The following MEGF11 variants were observed in gnomAD, a reference collection of about 807,000 sequenced individuals.
The protein encoded by MEGF11 is multiple epidermal growth factor-like domains protein 11.
A neutral mutation model predicts 146.6 loss-of-function variants in MEGF11; 126 were observed. The observed-to-expected ratio is 0.86, with a 90% CI of 0.74 to 1.00. The LOEUF is 1.00. MEGF11 is among the 50% of genes least tolerant of loss of function. MEGF11 has a pLI of 0.00. For synonymous variants in MEGF11, 532 were observed against 583.4 expected, an observed-to-expected ratio of 0.91 and a Z score of 1.27; for missense variants, 1,509 against 1,521.2, an observed-to-expected ratio of 0.99 and a Z score of 0.13.
At position 65,972,977 on chromosome 15, in the gene MEGF11, C is replaced by T. The variant is rs564889588; in HGVS notation, c.763-2288G>A. Among the ~76,000 whole-genome samples the T allele has an allele frequency of 3.3e-5, 5 of 152,156 alleles. No individual in the cohort carries two copies. The East Asian group carries it at 7.7e-4, about 24-fold the overall frequency. On this transcript the variant is annotated intron_variant, in intron 7 of 25. Transcript: ENST00000395614. Reference sequence around the variant, plus strand: ...TAATAAAAATACAAAATTAACCGGGCGTGGTGGCACATGCCTGTAATCCCA... The same window carrying T: ...TAATAAAAATACAAAATTAACCGGGTGTGGTGGCACATGCCTGTAATCCCA...
chr15:65,922,315 T>C (rs751314487), intron 15 of MEGF11, 23 bp downstream of exon 15: 164 of 1,604,116 alleles, frequency 1.0e-4, no homozygotes, highest in Non-Finnish European at 1.3e-4. Flanking sequence ...CCCCACCCAG[T>C]ACCTTCCCAC....
intron 5 of MEGF11, among the ~76,000 whole-genome samples, chr15:66,072,043 G>A (rs1260774955): frequency 1.3e-5 from 2 of 152,172 alleles, no homozygotes; most frequent in Admixed American, 6.5e-5. Flanking sequence ...GGCAGGAAGG[G>A]GCCTGTGCCT....
chr15:65,973,951 A>C (rs1022188115), intron 7 of MEGF11, among the ~76,000 whole-genome samples: 6 of 152,204 alleles, frequency 3.9e-5, no homozygotes, highest in Admixed American at 3.3e-4. Flanking sequence ...TATAACTTAA[A>C]ATTACATGCA....
At chr15:65,949,573 G>A (rs1026367932) in intron 10 of MEGF11, among the ~76,000 whole-genome samples, 4 of 152,194 alleles carry the variant, frequency 2.6e-5, no homozygotes, top group African/African-American at 9.7e-5. Context: ...CTATGGGAGG[G>A]GACACTGGAG....
chr15:66,057,315 A>T (rs1377320821), intron 5 of MEGF11, among the ~76,000 whole-genome samples: 1 of 152,204 alleles, frequency 6.6e-6, no homozygotes, highest in Non-Finnish European at 1.5e-5. Flanking sequence ...TGAAGGGCAG[A>T]GGGCAGTGGT....
At chr15:66,245,938 G>A (rs1341947109) in intron 1 of MEGF11, among the ~76,000 whole-genome samples, 1 of 151,792 alleles carries the variant, frequency 6.6e-6, no homozygotes, top group Admixed American at 6.6e-5. Context: ...CATGTCAGAA[G>A]GGAGAGAACA....
intron 4 of MEGF11, among the ~76,000 whole-genome samples, chr15:66,105,964 A>C (rs1477795): frequency 6.6e-6 from 1 of 152,090 alleles, no homozygotes; most frequent in Non-Finnish European, 1.5e-5. Context: ...CCAATGCAGG[A>C]TAAAGGCAAC....
At chr15:66,178,946 T>TC (rs2090465886) in intron 1 of MEGF11, among the ~76,000 whole-genome samples, 2 of 152,196 alleles carry the variant, frequency 1.3e-5, no homozygotes, top group Admixed American at 6.5e-5. Flanking sequence ...ACACACATGC[T>TC]GAAAACTTAT....
intron 1 of MEGF11, among the ~76,000 whole-genome samples, chr15:66,194,204 A>T (rs1057341775): frequency 6.6e-6 from 1 of 152,252 alleles, no homozygotes; most frequent in Admixed American, 6.5e-5. Flanking sequence ...AGCAACCTGG[A>T]TGGAACTGGA....
chr15:66,069,946 G>T (rs2085295749), intron 5 of MEGF11, among the ~76,000 whole-genome samples: 1 of 152,214 alleles, frequency 6.6e-6, no homozygotes, highest in African/African-American at 2.4e-5. Flanking sequence ...ATAAAAGCAG[G>T]CAATGGAATA....
At chr15:66,198,683 A>G (rs1292633974) in intron 1 of MEGF11, among the ~76,000 whole-genome samples, 1 of 152,028 alleles carries the variant, frequency 6.6e-6, no homozygotes, top group African/African-American at 2.4e-5. Context: ...ACGGGGTTTC[A>G]TCATGTTGCC....
chr15:66,232,769 G>A (rs745696730), intron 1 of MEGF11, among the ~76,000 whole-genome samples: 2 of 152,156 alleles, frequency 1.3e-5, no homozygotes, highest in African/African-American at 4.8e-5. Flanking sequence ...GAGGCCTACC[G>A]TGTGCCAGGC....
At chr15:65,956,530 A>G (rs1158196793) in intron 10 of MEGF11, among the ~76,000 whole-genome samples, 1 of 152,246 alleles carries the variant, frequency 6.6e-6, no homozygotes, top group Non-Finnish European at 1.5e-5. Flanking sequence ...TAGGATAGCC[A>G]GGGTGCAACC....
Position 65,909,825 on chromosome 15 carries a change from AG to A in MEGF11, c.2830-20del, listed in dbSNP as rs753224828. The stretch of plus-strand genomic sequence containing the variant: ...TACTGAGCTGTTTGGAGAGTAGGAG[AG>A]CCAGTTAATATCTAGTGCCCCAGGT... On this transcript the variant is annotated intron_variant, in intron 21 of 25. Transcript: ENST00000395614. The A allele has an allele frequency of 1.9e-6, 3 of 1,554,892 alleles. No homozygotes were observed. The South Asian group carries it at 3.5e-5, about 18-fold the overall frequency.
At chr15:66,212,011 G>GCAGAGTTGCTCTC (rs376270205) in intron 1 of MEGF11, among the ~76,000 whole-genome samples, 1 of 151,880 alleles carries the variant, frequency 6.6e-6, no homozygotes, top group African/African-American at 2.4e-5. Context: ...ATTTAGCTGA[G>GCAGAGTTGCTCTC]AGCAAGGGGG....
intron 4 of MEGF11, 69 bp from the exon 5 acceptor site, chr15:66,094,563 G>A: frequency 2.9e-6 from 4 of 1,358,226 alleles, no homozygotes; most frequent in Non-Finnish European, 4.1e-6. Context: ...TGGTCAAGGA[G>A]CATAATCCAT....
At chr15:66,078,418 G>A (rs924472545) in intron 5 of MEGF11, among the ~76,000 whole-genome samples, 3 of 152,194 alleles carry the variant, frequency 2.0e-5, no homozygotes, top group African/African-American at 4.8e-5. Context: ...CCCGGGCCTC[G>A]GCTCTCTAAC....
intron 1 of MEGF11, among the ~76,000 whole-genome samples, chr15:66,197,463 C>T (rs1407135933): frequency 6.6e-6 from 1 of 152,160 alleles, no homozygotes; most frequent in Non-Finnish European, 1.5e-5. Flanking sequence ...CGCTCTATCG[C>T]CCAGGCTGGA....
At chr15:66,034,152 C>A (rs956887707) in intron 5 of MEGF11, among the ~76,000 whole-genome samples, 5 of 152,156 alleles carry the variant, frequency 3.3e-5, no homozygotes, top group Non-Finnish European at 5.9e-5. Context: ...AAGTGTCTGT[C>A]CTATACCTGT....
Sources: allele counts gnomAD v4.1 joint callset (sites outside exome capture counted in the v4.1 genomes callset), GRCh38; gene constraint gnomAD v4.1.1; transcripts MANE v1.5; gene names NCBI Gene and HGNC (gene_info 2026-07-23, HGNC 2026-07-21).